Variants in TMEM131 observed in about 807,000 individuals in gnomAD.
TMEM131 encodes the protein transmembrane protein 131.
TMEM131 carries 66 observed loss-of-function variants against 211.6 expected under a neutral mutation model. The ratio of observed to expected loss-of-function variants is 0.31; its 90% CI spans 0.26 to 0.38. The LOEUF (loss-of-function observed/expected upper bound fraction) is 0.38, where lower values mean the gene tolerates loss of function less well. TMEM131 is among the 10% of genes least tolerant of loss of function. The pLI is 1.00. For missense variants in TMEM131, 2,036 were observed against 2,299.3 expected (o/e 0.89, Z 2.34); for synonymous variants, 844 against 841.3 (o/e 1.00, Z -0.06).
Position 97,815,263 on chromosome 2 carries a change from C to G in TMEM131, c.1228G>C (p.Val410Leu). 6.4e-7 allele frequency: 1 copy of G among 1,572,512 alleles called. No individual in the cohort carries two copies. ...GAATAACTCTTTTCCTTTGCTTTAA[C>G]TGTTATTTTCCCAGAAAACTGAGAT... ...KPSQFSGKIT[V>L]KAKEKSYSKL... The change falls in exon 13 of 41, where the codon GTT becomes CTT. Residue 410 changes from valine to leucine, a missense_variant. By Grantham distance (32) the Val-to-Leu change is conservative. Transcript: ENST00000186436.
rs1559368715 is a variant in TMEM131 at position 97,802,422 on chromosome 2, AC to A, written c.2651+5del. 1 of 1,580,016 alleles carries A rather than the reference AC, an allele frequency of 6.3e-7. No individual in the cohort carries two copies. On this transcript the variant is annotated splice_donor_5th_base_variant and intron_variant, in intron 24 of 40. Coordinates refer to ENST00000186436, the MANE Select transcript of TMEM131 (RefSeq NM_015348.2). ...AAACACTGTGATGATCCCAAGCAAT[AC>A]TTACCTTGATACTAACTTATCTACA...
At chr2:97,795,666 T>C (rs945487819) in intron 28 of TMEM131, among the ~76,000 whole-genome samples, 1 of 152,230 alleles carries the variant, frequency 6.6e-6, no homozygotes, top group Non-Finnish European at 1.5e-5. Context: ...TAAATATTCA[T>C]TAAAGATCAC....
chr2:97,889,652 G>A (rs984370530), intron 3 of TMEM131, among the ~76,000 whole-genome samples: 1 of 150,920 alleles, frequency 6.6e-6, no homozygotes, highest in African/African-American at 2.4e-5. Context: ...CTGTTTAGAT[G>A]TTGGAGAAAA....
chr2:97,904,313 T>C (rs901636923), intron 3 of TMEM131, among the ~76,000 whole-genome samples: 5 of 152,034 alleles, frequency 3.3e-5, no homozygotes, highest in Non-Finnish European at 7.4e-5. Flanking sequence ...GATTTTCAAA[T>C]GCTTCAGAAA....
intron 35 of TMEM131, 72 bp downstream of exon 35, chr2:97,766,042 A>C: frequency 6.3e-7 from 1 of 1,576,204 alleles, no homozygotes; most frequent in Non-Finnish European, 8.6e-7. Flanking sequence ...ATGCCCCTGA[A>C]GAGTTCCATG....
At chr2:97,811,523 C>A (rs1681547532) in intron 17 of TMEM131, among the ~76,000 whole-genome samples, 1 of 152,160 alleles carries the variant, frequency 6.6e-6, no homozygotes, top group African/African-American at 2.4e-5. Context: ...ACCTGTATGG[C>A]CAAAGGGGCT....
intron 1 of TMEM131, among the ~76,000 whole-genome samples, chr2:97,988,292 C>T (rs761350379): frequency 1.1e-4 from 16 of 152,058 alleles, no homozygotes; most frequent in African/African-American, 3.1e-4. Context: ...TATCTTACAC[C>T]ATAAATAAAA....
chr2:97,977,195 C>T (rs1679579780), intron 1 of TMEM131, among the ~76,000 whole-genome samples: 1 of 152,178 alleles, frequency 6.6e-6, no homozygotes, highest in Non-Finnish European at 1.5e-5. Flanking sequence ...AAAACTTCTG[C>T]TCTTCAAAAG....
chr2:97,863,552 G>A (rs1004687547), intron 4 of TMEM131, among the ~76,000 whole-genome samples: 1 of 152,042 alleles, frequency 6.6e-6, no homozygotes, highest in African/African-American at 2.4e-5. Flanking sequence ...TGACTCTAAA[G>A]GAAAAAATCT....
intron 4 of TMEM131, among the ~76,000 whole-genome samples, chr2:97,886,113 T>C (rs1675145720): frequency 6.6e-6 from 1 of 152,144 alleles, no homozygotes; most frequent in African/African-American, 2.4e-5. Context: ...GATTTCTGTT[T>C]GGTTCTTTGT....
Position 97,858,540 on chromosome 2 carries a change from C to G in TMEM131, c.483+764G>C, listed in dbSNP as rs554504266. Among the ~76,000 whole-genome samples the G allele has an allele frequency of 1.1e-4, 17 of 152,280 alleles. No individual in the cohort carries two copies. The East Asian group carries it at 3.3e-3, about 29-fold the overall frequency. On this transcript the variant is annotated intron_variant, in intron 5 of 40. Coordinates refer to ENST00000186436, the MANE Select transcript of TMEM131 (RefSeq NM_015348.2). ...ACTAAGATGTAATTAAGGCTCCCAA[C>G]CAGTTGCCTTTCAGTTAATCAAAAG... is the stretch of plus-strand genomic sequence containing the variant.
chr2:97,832,456 C>A (rs1020155794), intron 11 of TMEM131, among the ~76,000 whole-genome samples: 16 of 152,126 alleles, frequency 1.1e-4, no homozygotes, highest in African/African-American at 3.9e-4. Flanking sequence ...AAGGTCACTG[C>A]GCATCAGAAT....
At chr2:97,804,928 T>C (rs997908766) in intron 22 of TMEM131, among the ~76,000 whole-genome samples, 160 bp downstream of exon 22, 1 of 152,198 alleles carries the variant, frequency 6.6e-6, no homozygotes, top group Admixed American at 6.5e-5. Context: ...ACAGTTAAAA[T>C]GGCAATTTAA....
At chr2:97,838,344 T>C (rs1286969583) in intron 7 of TMEM131, among the ~76,000 whole-genome samples, 1 of 151,844 alleles carries the variant, frequency 6.6e-6, no homozygotes, top group Non-Finnish European at 1.5e-5. Context: ...GGTGGAAACG[T>C]TCACTTGTTT....
At chr2:97,963,579 G>T (rs1489715915) in intron 1 of TMEM131, among the ~76,000 whole-genome samples, 1 of 152,162 alleles carries the variant, frequency 6.6e-6, no homozygotes, top group Non-Finnish European at 1.5e-5. Context: ...GCTGTGCTTA[G>T]TGGTGGGCAC....
intron 1 of TMEM131, among the ~76,000 whole-genome samples, chr2:97,968,419 T>C (rs1312416562): frequency 6.6e-6 from 1 of 152,192 alleles, no homozygotes; most frequent in African/African-American, 2.4e-5. Context: ...GTCATGAACC[T>C]GCCTGTCAGT....
chr2:97,976,523 T>C (rs1210140460), intron 1 of TMEM131, among the ~76,000 whole-genome samples: 9 of 152,210 alleles, frequency 5.9e-5, no homozygotes, highest in South Asian at 2.1e-4. Context: ...AAATAAATGG[T>C]GAAAATATCC....
intron 2 of TMEM131, among the ~76,000 whole-genome samples, chr2:97,921,070 A>G (rs1474279770): frequency 6.6e-6 from 1 of 152,012 alleles, no homozygotes; most frequent in East Asian, 1.9e-4. Context: ...CATTACTGAG[A>G]AGAATAACAA....
intron 11 of TMEM131, among the ~76,000 whole-genome samples, chr2:97,825,317 T>C (rs1336306536): frequency 1.3e-5 from 2 of 152,306 alleles, no homozygotes; most frequent in South Asian, 4.1e-4. Flanking sequence ...GTACAAGGCA[T>C]CTAGGTCGAA....
Sources: gnomAD v4.1 joint callset for allele counts (sites outside exome capture counted in the v4.1 genomes callset) on GRCh38, gnomAD v4.1.1 for gene constraint, MANE v1.5 for transcripts, NCBI Gene and HGNC (gene_info 2026-07-23, HGNC 2026-07-21) for gene names.